The following NFIX variants were observed in gnomAD, a reference collection of about 807,000 sequenced individuals.
NFIX encodes nuclear factor I X, also known as nuclear factor 1 X-type.
A neutral mutation model predicts 53.3 loss-of-function variants in NFIX; 2 were observed. That is an observed-to-expected ratio of 0.04 (90% CI 0.02 to 0.12). The LOEUF (loss-of-function observed/expected upper bound fraction) is 0.12, where lower values mean the gene tolerates loss of function less well. NFIX is among the 10% of genes least tolerant of loss of function. NFIX has a pLI of 1.00. For missense variants in NFIX, 310 were observed against 674.5 expected (o/e 0.46, Z 5.99); for synonymous variants, 244 against 289.0 (o/e 0.84, Z 1.58).
chr19:13,055,670 CG>C lies in NFIX; in HGVS notation c.560-17374del, dbSNP rs1054348076. On this transcript the variant is annotated intron_variant, in intron 2 of 10. Coordinates refer to ENST00000592199, the MANE Select transcript of NFIX (RefSeq NM_001365902.3). ...CTCCTGAGAGCCCATCTGCTCGCCC[CG>C]GGCCTAGCTGAGGAAGAAGGGGGCG... is the stretch of plus-strand genomic sequence containing the variant. 2.0e-5 allele frequency among the ~76,000 whole-genome samples: 3 copies of C among 152,220 alleles called. No individual in the cohort carries two copies. In the South Asian group the frequency reaches 6.2e-4, roughly 31 times the overall value.
rs573787832 is a variant in NFIX at position 12,998,371 on chromosome 19, G to A, written c.27+2507G>A. ...TTTTTTTCAAACCAGAATTGGCTTC[G>A]ATTTTAAAGTCAATAAATGATTGAG... is the stretch of plus-strand genomic sequence containing the variant. On this transcript the variant is annotated intron_variant, in intron 1 of 10. Transcript: ENST00000592199. This position sits in a 1 kb window ranked among gnomAD's most constrained non-coding sequence, Gnocchi z 4.4. 1.0e-4 allele frequency among the ~76,000 whole-genome samples: 15 copies of A among 150,680 alleles called. No individual in the cohort carries two copies. In the South Asian group the frequency reaches 2.4e-3, roughly 24 times the overall value.
rs532840508 is a variant in NFIX, at chr19:13,066,163, C to T, written c.560-6884C>T. Among the ~76,000 whole-genome samples, 1 of 152,314 alleles carries T rather than the reference C, an allele frequency of 6.6e-6. No homozygotes were observed. The highest frequency in any genetic ancestry group is 1.9e-4 in the East Asian group (1 of 5,186). On this transcript the variant is annotated intron_variant, in intron 2 of 10. Transcript: ENST00000592199. This position sits in a 1 kb window ranked among gnomAD's most constrained non-coding sequence, Gnocchi z 4.2. ...AGCTGATGGACTTGCTTTCTCCTCG[C>T]TTCCCGAAGCCTTACTGCCGAGCTG... is the stretch of plus-strand genomic sequence containing the variant.
In NFIX at chr19:13,090,304, G is replaced by T. The variant is rs372257657; in HGVS notation, c.1408G>T (p.Ala470Ser). The change falls in exon 10 of 11, where the codon GCA becomes TCA. Residue 470 changes from alanine to serine, a missense_variant. Coordinates refer to ENST00000592199, the MANE Select transcript of NFIX (RefSeq NM_001365902.3). This position sits in a 1 kb window ranked among gnomAD's most constrained non-coding sequence, Gnocchi z 6.6. ...CTCTCCCCTGCTCCCCACAGCATTCGCAACGACAGGCGCCTCCTCTGCCAA... is the reference window on the plus strand; with the variant it reads ...CTCTCCCCTGCTCCCCACAGCATTCTCAACGACAGGCGCCTCCTCTGCCAA... ...AALTPPSPSF[A>S]TTGASSANRF... is the part of the protein sequence containing the mutation. 3 of 1,613,922 alleles carry T rather than the reference G, an allele frequency of 1.9e-6. No individual in the cohort carries two copies. The highest frequency in any genetic ancestry group is 1.7e-6 in the Non-Finnish European group (2 of 1,179,874).
chr19:13,017,559 A>AG (rs986506695), intron 1 of NFIX, among the ~76,000 whole-genome samples: 2 of 151,894 alleles, frequency 1.3e-5, no homozygotes, highest in Admixed American at 6.5e-5. Context: ...TAAAAAATGA[A>AG]GGGGGGTGTC....
intron 1 of NFIX, among the ~76,000 whole-genome samples, chr19:13,007,367 C>T (rs1056763278): frequency 6.6e-6 from 1 of 152,194 alleles, no homozygotes; most frequent in Non-Finnish European, 1.5e-5. Context: ...TCTAAGCCAG[C>T]TCGCTCCATC....
Position 13,021,020 on chromosome 19 carries a change from G to A in NFIX, c.28-4001G>A, listed in dbSNP as rs1250077621. Among the ~76,000 whole-genome samples, 1 of 151,954 alleles carries A rather than the reference G, an allele frequency of 6.6e-6. No homozygotes were observed. The highest frequency in any genetic ancestry group is 1.5e-5 in the Non-Finnish European group (1 of 68,014). On this transcript the variant is annotated intron_variant, in intron 1 of 10. Transcript: ENST00000592199. This position sits in a 1 kb window ranked among gnomAD's most constrained non-coding sequence, Gnocchi z 4.2. ...GGCTCGTGTTGGCCATTTTCTGTTTGGTGTCTAATATTTAGTATAAATCAG... is the reference window on the plus strand; with the variant it reads ...GGCTCGTGTTGGCCATTTTCTGTTTAGTGTCTAATATTTAGTATAAATCAG...
rs2014299936 is a variant in NFIX, at chr19:13,037,648, G to T, written c.559+12096G>T. 6.6e-6 allele frequency among the ~76,000 whole-genome samples: 1 copy of T among 152,136 alleles called. No individual in the cohort carries two copies. Among genetic ancestry groups the T allele is most frequent in the Admixed American group, 6.5e-5 (1 of 15,272 alleles). ...GAAGGCTGGATGACCAACTCGTCCT[G>T]GTTTGCTCAGAGTTTCACAGCCCCT... On this transcript the variant is annotated intron_variant, in intron 2 of 10. Coordinates refer to ENST00000592199, the MANE Select transcript of NFIX (RefSeq NM_001365902.3). This position sits in a 1 kb window ranked among gnomAD's most constrained non-coding sequence, Gnocchi z 4.2.
chr19:13,020,186 G>T lies in NFIX; in HGVS notation c.28-4835G>T, dbSNP rs370912902. ...GGGCTGGAGGGGAGAAGAGAAGGAG[G>T]CTGGGCTGGGAACAGGTAATCTTCC... On this transcript the variant is annotated intron_variant, in intron 1 of 10. Transcript: ENST00000592199. Among the ~76,000 whole-genome samples the T allele has an allele frequency of 7.2e-5, 11 of 152,162 alleles. No homozygotes were observed. The East Asian group carries it at 1.7e-3, about 24-fold the overall frequency.
intron 7 of NFIX, among the ~76,000 whole-genome samples, chr19:13,079,406 G>A (rs1424447202): frequency 6.6e-6 from 1 of 152,238 alleles, no homozygotes; most frequent in Non-Finnish European, 1.5e-5. Flanking sequence ...ATCGCCCTGA[G>A]GAGATAGGAT....
chr19:13,013,860 C>T lies in NFIX; in HGVS notation c.28-11161C>T, dbSNP rs1366499329. The T allele has an allele frequency of 1.3e-5, 2 of 152,148 alleles. No homozygotes were observed. Among genetic ancestry groups the T allele is most frequent in the African/African-American group, 4.8e-5 (2 of 41,442 alleles). 9.4% of individuals were successfully genotyped at this position (152,148 alleles called of 1,614,324 possible). ...GACCCTGGCGTGGGGCACCTGAGAT[C>T]TCCGCCACTGAAAAGGCGCTATAGA... On this transcript the variant is annotated intron_variant, in intron 1 of 10. Coordinates refer to ENST00000592199, the MANE Select transcript of NFIX (RefSeq NM_001365902.3). This position sits in a 1 kb window ranked among gnomAD's most constrained non-coding sequence, Gnocchi z 5.9.
intron 10 of NFIX, among the ~76,000 whole-genome samples, chr19:13,092,801 C>T (rs915507442): frequency 2.0e-5 from 3 of 152,220 alleles, no homozygotes; most frequent in Admixed American, 6.5e-5. Context: ...GGCTGCGGGC[C>T]GGTTCTCCCC....
Position 13,013,063 on chromosome 19 carries a change from C to CAA in NFIX, c.28-11958_28-11957insAA, listed in dbSNP as rs2012455896. Among the ~76,000 whole-genome samples the CAA allele has an allele frequency of 2.5e-5, 3 of 118,566 alleles. No individual in the cohort carries two copies. Among genetic ancestry groups the CAA allele is most frequent in the Non-Finnish European group, 5.6e-5 (3 of 53,702 alleles). The allele number at this position is 118,566 out of a possible 152,430, so 77.8% of individuals were successfully genotyped here. A position where few individuals can be genotyped will look rare whatever the true frequency, so the allele number is the denominator to read the frequency against. ...CGGGCCGCGGGGAGTTGCGCAGACT[C>CAA]TAAAAAAAAAACCTTTAAAAACCCA... On this transcript the variant is annotated intron_variant, in intron 1 of 10. Transcript: ENST00000592199. This position sits in a 1 kb window ranked among gnomAD's most constrained non-coding sequence, Gnocchi z 5.9.
At chr19:13,041,637 A>G (rs2014626912) in intron 2 of NFIX, among the ~76,000 whole-genome samples, 2 of 152,146 alleles carry the variant, frequency 1.3e-5, no homozygotes, top group African/African-American at 4.8e-5. Flanking sequence ...TCTACTAAAA[A>G]TACAAAATTA....
intron 2 of NFIX, among the ~76,000 whole-genome samples, chr19:13,032,654 G>A (rs1845217368): frequency 6.6e-6 from 1 of 152,180 alleles, no homozygotes; most frequent in Non-Finnish European, 1.5e-5. Flanking sequence ...GAGGGAGTGA[G>A]AGGTTTATAG....
At position 13,067,827 on chromosome 19, in the gene NFIX, C is replaced by T. The variant is rs778935486; in HGVS notation, c.560-5220C>T. 2.0e-5 allele frequency among the ~76,000 whole-genome samples: 3 copies of T among 151,930 alleles called. No homozygotes were observed. The highest frequency in any genetic ancestry group is 6.6e-5 in the Admixed American group (1 of 15,254). The stretch of plus-strand genomic sequence containing the variant: ...TATATATATATTAAAAACATGCATC[C>T]GGGCACGGTGGCTCACGCCTGTAAT... On this transcript the variant is annotated intron_variant, in intron 2 of 10. Coordinates refer to ENST00000592199, the MANE Select transcript of NFIX (RefSeq NM_001365902.3). The surrounding 1 kb of genome is among the most constrained non-coding windows in gnomAD (Gnocchi z 4.2).
intron 5 of NFIX, 41 bp from the exon 6 acceptor site, chr19:13,075,494 A>T: frequency 6.2e-7 from 1 of 1,607,578 alleles, no homozygotes; most frequent in Non-Finnish European, 8.5e-7. Flanking sequence ...CTGGAGCCTC[A>T]GCCCATCCTT....
Position 13,043,208 on chromosome 19 carries a change from C to T in NFIX, c.559+17656C>T, listed in dbSNP as rs1454441785. On this transcript the variant is annotated intron_variant, in intron 2 of 10. Coordinates refer to ENST00000592199, the MANE Select transcript of NFIX (RefSeq NM_001365902.3). The surrounding 1 kb of genome is among the most constrained non-coding windows in gnomAD (Gnocchi z 4.0). ...CTAATCATGGACATCAGCCCACATTCTCACACCCTCCAATCCATGTTTTTA... is the reference window on the plus strand; with the variant it reads ...CTAATCATGGACATCAGCCCACATTTTCACACCCTCCAATCCATGTTTTTA... 2.0e-5 allele frequency among the ~76,000 whole-genome samples: 3 copies of T among 152,244 alleles called. No individual in the cohort carries two copies. The highest frequency in any genetic ancestry group is 7.2e-5 in the African/African-American group (3 of 41,460).
At position 13,096,715 on chromosome 19, in the gene NFIX, CCACGTGCCCTTTCCCTCGACGACAGT is replaced by C. The variant is rs962635423; in HGVS notation, c.*2068_*2093del. ...AAGCAGAAGGGGCTCCCTGTCCGGCCCACGTGCCCTTTCCCTCGACGACAGTCGAGGGCTCGGGCTCTGTGGGACTG... is the reference window on the plus strand; with the variant it reads ...AAGCAGAAGGGGCTCCCTGTCCGGCCCGAGGGCTCGGGCTCTGTGGGACTG... On this transcript the variant is annotated 3_prime_UTR_variant, in exon 11 of 11. Transcript: ENST00000592199. 2.0e-5 allele frequency: 3 copies of C among 152,362 alleles called. No individual in the cohort carries two copies. Among genetic ancestry groups the C allele is most frequent in the African/African-American group, 4.8e-5 (2 of 41,400 alleles). 9.4% of individuals were successfully genotyped at this position (152,362 alleles called of 1,614,324 possible).
intron 1 of NFIX, among the ~76,000 whole-genome samples, chr19:12,999,645 C>T (rs1270199972): frequency 1.3e-5 from 2 of 152,210 alleles, no homozygotes; most frequent in South Asian, 2.1e-4. Context: ...AGACACGCAG[C>T]GACCTACGCC....
Sources: allele counts gnomAD v4.1 joint callset (sites outside exome capture counted in the v4.1 genomes callset), GRCh38; gene constraint gnomAD v4.1.1; non-coding constraint Gnocchi (gnomAD v3.1); transcripts MANE v1.5; gene names NCBI Gene and HGNC (gene_info 2026-07-23, HGNC 2026-07-21).